KNL1: variants seen among roughly 807,000 people sequenced by gnomAD.
KNL1 encodes outer kinetochore KNL1 complex subunit KNL1.
A neutral mutation model predicts 201.3 loss-of-function variants in KNL1; 66 were observed. That is an observed-to-expected ratio of 0.33 (90% CI 0.27 to 0.40). The LOEUF (loss-of-function observed/expected upper bound fraction) is 0.40. Among genes scored for constraint, KNL1 ranks in the 10% least tolerant of loss-of-function variants. KNL1 has a pLI of 1.00. For missense variants in KNL1, 2,815 were observed against 2,690.5 expected (o/e 1.05, Z -1.02); for synonymous variants, 895 against 899.2 (o/e 1.00, Z 0.08).
At chr15:40,619,373 TA>T (rs1207182574) in intron 9 of KNL1, among the ~76,000 whole-genome samples, 6 of 151,016 alleles carry the variant, frequency 4.0e-5, no homozygotes, top group African/African-American at 9.7e-5. Context: ...TATATATATA[TA>T]TATTTTAGGC....
intron 8 of KNL1, among the ~76,000 whole-genome samples, chr15:40,618,251 T>C (rs1253783750): frequency 6.6e-6 from 1 of 152,016 alleles, no homozygotes; most frequent in Non-Finnish European, 1.5e-5. Context: ...CCTCTTGCGT[T>C]AATCTGAACT....
Position 40,662,597 on chromosome 15 carries a change from A to G in KNL1, c.*409A>G, listed in dbSNP as rs553136984. On this transcript the variant is annotated 3_prime_UTR_variant, in exon 26 of 26. Transcript: ENST00000399668. Reference sequence around the variant, plus strand: ...AGGTTGCCTGGCTTCTGCCTAGCAGATATTTCTGGAGTAGAAATGTATCTG... The same window carrying G: ...AGGTTGCCTGGCTTCTGCCTAGCAGGTATTTCTGGAGTAGAAATGTATCTG... The G allele has an allele frequency of 3.8e-5, 8 of 210,598 alleles. No individual in the cohort carries two copies. In the East Asian group the frequency reaches 4.4e-4, roughly 11 times the overall value. The allele number at this position is 210,598 out of a possible 1,614,324, so 13.0% of individuals were successfully genotyped here.
intron 25 of KNL1, among the ~76,000 whole-genome samples, chr15:40,661,452 A>G (rs114753428): frequency 0.084 from 12,778 of 152,130 alleles, 548 homozygotes; most frequent in East Asian, 0.12. Flanking sequence ...AGATTGTGCC[A>G]CTAACTGCAC....
intron 21 of KNL1, among the ~76,000 whole-genome samples, chr15:40,653,070 A>G (rs1408310517): frequency 6.6e-6 from 1 of 152,210 alleles, no homozygotes; most frequent in Non-Finnish European, 1.5e-5. Context: ...CTCAATGAAT[A>G]GCGTTACCTT....
At chr15:40,642,585 G>A (rs983663854) in intron 14 of KNL1, among the ~76,000 whole-genome samples, 3 of 152,146 alleles carry the variant, frequency 2.0e-5, no homozygotes, top group Non-Finnish European at 4.4e-5. Context: ...GTTGGAAAGA[G>A]TTGGCTGTGT....
At chr15:40,602,638 C>T (rs1891845974) in intron 1 of KNL1, among the ~76,000 whole-genome samples, 1 of 151,930 alleles carries the variant, frequency 6.6e-6, no homozygotes, top group Non-Finnish European at 1.5e-5. Context: ...AGGCATGCGC[C>T]ACCACGCCCA....
chr15:40,646,373 T>G (rs904861673), intron 16 of KNL1, among the ~76,000 whole-genome samples: 7 of 152,062 alleles, frequency 4.6e-5, no homozygotes, highest in Non-Finnish European at 8.8e-5. Context: ...AATGCTAAAA[T>G]AAAGTACCAG....
At chr15:40,654,622 C>T (rs1424716032) in intron 21 of KNL1, among the ~76,000 whole-genome samples, 1 of 150,798 alleles carries the variant, frequency 6.6e-6, no homozygotes, top group East Asian at 1.9e-4. Flanking sequence ...GTAATCCCAG[C>T]ACTTTGGGAA....
In KNL1 at chr15:40,639,483, G is replaced by A. The variant is rs140478425; in HGVS notation, c.5683-1429G>A. ...ACCTGTAATCCCAGCTACTGTGGAG[G>A]CTGAGGCAGGAGAATCGCTTGAAGC... is the stretch of plus-strand genomic sequence containing the variant. On this transcript the variant is annotated intron_variant, in intron 13 of 25. Transcript: ENST00000399668. 3.6e-3 allele frequency among the ~76,000 whole-genome samples: 539 copies of A among 151,386 alleles called. 5 individuals are homozygous for A. Among genetic ancestry groups the A allele is most frequent in the East Asian group, 0.025 (129 of 5,076 alleles).
chr15:40,652,993 G>A (rs1302812431), intron 21 of KNL1, among the ~76,000 whole-genome samples: 7 of 151,996 alleles, frequency 4.6e-5, no homozygotes, highest in South Asian at 2.1e-4. Flanking sequence ...AAACATGGCC[G>A]TATTGGAACG....
rs747772110 is a variant in KNL1, at chr15:40,621,062, T to C, written c.798T>C (p.Asn266=). The change falls in exon 10 of 26, where the codon AAT becomes AAC. Residue 266 remains asparagine (N), a synonymous_variant. Transcript: ENST00000399668. The part of the protein sequence containing the change: ...QMHVSLKEDE[N]NSNITRLFRE... ...ATGTATCTCTTAAGGAAGATGAAAA[T>C]AACAGTAATATTACTAGGCTCTTTA... The C allele has an allele frequency of 4.3e-6, 7 of 1,611,612 alleles. No individual in the cohort carries two copies. The highest frequency in any genetic ancestry group is 3.4e-5 in the Admixed American group (2 of 59,320).
At chr15:40,643,943 C>T (rs1299486519) in intron 14 of KNL1, among the ~76,000 whole-genome samples, 1 of 152,152 alleles carries the variant, frequency 6.6e-6, no homozygotes, top group Non-Finnish European at 1.5e-5. Flanking sequence ...GGCTTCTGAA[C>T]CCTACGCTTG....
In KNL1 at chr15:40,624,066, G is replaced by A; in HGVS notation, c.3802G>A (p.Glu1268Lys). 2.5e-6 allele frequency: 4 copies of A among 1,613,984 alleles called. No homozygotes were observed. In the South Asian group the frequency reaches 3.3e-5, roughly 13 times the overall value. ...AGTTGTAGACCAGGCCTGTACATTGGAAAAAGCGCAAGTTGAAAGCTGTCA... is the reference window on the plus strand; with the variant it reads ...AGTTGTAGACCAGGCCTGTACATTGAAAAAAGCGCAAGTTGAAAGCTGTCA... ...GKVVDQACTL[E>K]KAQVESCQLN... Residue 1268 changes from glutamate (E) to lysine (K), a missense_variant, in exon 10 of 26, where the codon GAA becomes AAA. By Grantham distance (56) the Glu-to-Lys change is moderately conservative. This residue lies in a region of KNL1 where 2,464 missense variants were observed against 2,291.7 expected (regional missense o/e 1.08). Transcript: ENST00000399668.
intron 4 of KNL1, 98 bp from the exon 5 acceptor site, chr15:40,608,745 CAAAA>C (rs35446763): frequency 2.7e-3 from 1,458 of 533,176 alleles, no homozygotes; most frequent in South Asian, 4.5e-3. Context: ...AACTCCATCT[CAAAA>C]AAAAAAAAAA....
chr15:40,616,670 G>A (rs1892354279), intron 8 of KNL1, among the ~76,000 whole-genome samples: 1 of 152,064 alleles, frequency 6.6e-6, no homozygotes, highest in South Asian at 2.1e-4. Context: ...TTGGGCTACT[G>A]TATTTCATTT....
At chr15:40,647,144 T>C in intron 17 of KNL1, 70 bp downstream of exon 17, 1 of 783,318 alleles carries the variant, frequency 1.3e-6, no homozygotes, top group South Asian at 1.4e-5. Context: ...CAGTAGAGAA[T>C]GTTGGTACCA....
intron 16 of KNL1, among the ~76,000 whole-genome samples, chr15:40,646,120 T>C (rs1390432010): frequency 1.3e-5 from 2 of 152,228 alleles, no homozygotes; most frequent in Non-Finnish European, 1.5e-5. Context: ...CACATGTGTT[T>C]AAAGTAGCAT....
rs1200723212 is a variant in KNL1 at position 40,602,564 on chromosome 15, G to A, written c.-17-351G>A. On this transcript the variant is annotated intron_variant, in intron 1 of 25. Coordinates refer to ENST00000399668, the MANE Select transcript of KNL1 (RefSeq NM_144508.5). ...TGCAATGGAGTGATCTCAGCTCACCGCAACCTCCGCGTCCTGGATTCAAGC... is the reference window on the plus strand; with the variant it reads ...TGCAATGGAGTGATCTCAGCTCACCACAACCTCCGCGTCCTGGATTCAAGC... 3.2e-5 allele frequency among the ~76,000 whole-genome samples: 4 copies of A among 124,174 alleles called. No homozygotes were observed. In the Admixed American group the frequency reaches 4.3e-4, roughly 13 times the overall value. 81.5% of individuals were successfully genotyped at this position (124,174 alleles called of 152,430 possible). A position where few individuals can be genotyped will look rare whatever the true frequency, so the allele number is the denominator to read the frequency against.
chr15:40,606,089 T>A (rs1891962155), intron 3 of KNL1, among the ~76,000 whole-genome samples: 1 of 152,168 alleles, frequency 6.6e-6, no homozygotes, highest in South Asian at 2.1e-4. Flanking sequence ...AAATCATCAT[T>A]GACAAGAGAA....
Sources: gnomAD v4.1 joint callset for allele counts (sites outside exome capture counted in the v4.1 genomes callset) on GRCh38, gnomAD v4.1.1 for gene constraint, gnomAD v4.1.1 regional missense constraint, MANE v1.5 for transcripts, NCBI Gene and HGNC (gene_info 2026-07-23, HGNC 2026-07-21) for gene names.